The following CREBBP variants were observed in gnomAD, a reference collection of about 807,000 sequenced individuals.
CREBBP encodes CREB binding lysine acetyltransferase, also known as CREB-binding protein.
In CREBBP, 19 loss-of-function variants were observed where a neutral mutation model predicts 265.0. That is an observed-to-expected ratio of 0.07 (90% CI 0.05 to 0.11). CREBBP has a LOEUF of 0.11. Ranked by LOEUF, CREBBP falls within the 10% of genes least tolerant of loss-of-function variation. CREBBP has a pLI of 1.00. For synonymous variants in CREBBP, 1,457 were observed against 1,223.7 expected (o/e 1.19, Z -3.98); for missense variants, 2,525 against 3,219.0 (o/e 0.78, Z 5.22).
intron 3 of CREBBP, among the ~76,000 whole-genome samples, chr16:3,794,192 C>T (rs996149732): frequency 6.6e-6 from 1 of 151,762 alleles, no homozygotes; most frequent in Non-Finnish European, 1.5e-5. Flanking sequence ...GGACTATAGG[C>T]GTGGTGGCGG....
At chr16:3,751,884 A>G (rs1373927807) in intron 19 of CREBBP, 78 bp from the exon 20 acceptor site, 1 of 1,329,712 alleles carries the variant, frequency 7.5e-7, no homozygotes, top group Non-Finnish European at 1.1e-6. Flanking sequence ...GCCACCAATC[A>G]GAGCAGGGCA....
chr16:3,755,106 T>C (rs570592132), intron 19 of CREBBP, among the ~76,000 whole-genome samples: 2 of 152,314 alleles, frequency 1.3e-5, no homozygotes, highest in South Asian at 4.1e-4. Flanking sequence ...CTCTTAAAAA[T>C]ACATTACTTT....
intron 20 of CREBBP, among the ~76,000 whole-genome samples, 191 bp downstream of exon 20, chr16:3,751,535 T>A (rs2052473555): frequency 6.6e-6 from 1 of 152,136 alleles, no homozygotes; most frequent in Admixed American, 6.5e-5. Flanking sequence ...AAGGCTGCAG[T>A]GAGTCGAGAT....
At chr16:3,752,828 A>G (rs796566261) in intron 19 of CREBBP, among the ~76,000 whole-genome samples, 3 of 152,314 alleles carry the variant, frequency 2.0e-5, no homozygotes, top group African/African-American at 7.2e-5. Flanking sequence ...CATCACCCCA[A>G]TTTCTTGTAA....
intron 1 of CREBBP, among the ~76,000 whole-genome samples, chr16:3,862,875 G>A (rs1393218071): frequency 1.3e-5 from 2 of 152,102 alleles, no homozygotes; most frequent in African/African-American, 4.8e-5. Context: ...CTCAGAGTTT[G>A]CCTCTTATTT....
rs911407197 is a variant in CREBBP, at chr16:3,725,455, C to T, written c.*2263G>A. 1.7e-5 allele frequency: 4 copies of T among 233,150 alleles called. No homozygotes were observed. The highest frequency in any genetic ancestry group is 8.8e-5 in the African/African-American group (4 of 45,346). 14.4% of individuals were successfully genotyped at this position (233,150 alleles called of 1,614,324 possible). A position where few individuals can be genotyped will look rare whatever the true frequency, so the allele number is the denominator to read the frequency against. ...GAGCTGCTGCTCTCGGGCTCTAGCC[C>T]CACTTCTTGTTTGAACACATGGCTC... On this transcript the variant is annotated 3_prime_UTR_variant, in exon 31 of 31. Transcript: ENST00000262367.
chr16:3,806,857 A>AG (rs2053840731), intron 3 of CREBBP, among the ~76,000 whole-genome samples: 1 of 151,742 alleles, frequency 6.6e-6, no homozygotes, highest in Non-Finnish European at 1.5e-5. Context: ...GACTTCTACC[A>AG]GTTCCTACGC....
intron 7 of CREBBP, 58 bp downstream of exon 7, chr16:3,781,146 G>T (rs1404056619): frequency 6.9e-7 from 1 of 1,453,706 alleles, no homozygotes; most frequent in Non-Finnish European, 9.7e-7. Flanking sequence ...TCAGTTTTGT[G>T]TGGTTCTCAG....
At chr16:3,790,814 G>A (rs539527285) in intron 5 of CREBBP, among the ~76,000 whole-genome samples, 2 of 152,268 alleles carry the variant, frequency 1.3e-5, no homozygotes, top group East Asian at 3.9e-4. Context: ...CCAGAGGGAG[G>A]TGGGCTGGAC....
intron 1 of CREBBP, among the ~76,000 whole-genome samples, chr16:3,852,552 G>A (rs888339247): frequency 5.9e-5 from 9 of 152,082 alleles, no homozygotes; most frequent in Admixed American, 5.9e-4. Context: ...TAAAAGTGTT[G>A]AAGCTGCAGC....
intron 19 of CREBBP, among the ~76,000 whole-genome samples, chr16:3,753,556 A>T (rs957362242): frequency 5.3e-5 from 8 of 149,638 alleles, no homozygotes; most frequent in Non-Finnish European, 1.0e-4. Context: ...TTAAATATGT[A>T]TTTTTTTTTT....
chr16:3,785,724 T>C (rs1191899282), intron 5 of CREBBP, among the ~76,000 whole-genome samples: 2 of 152,246 alleles, frequency 1.3e-5, no homozygotes, highest in Non-Finnish European at 2.9e-5. Context: ...TTCTGTATTA[T>C]TGCCACTTAA....
chr16:3,760,963 G>GTT (rs1039987122), intron 16 of CREBBP, among the ~76,000 whole-genome samples: 3 of 151,700 alleles, frequency 2.0e-5, no homozygotes, highest in African/African-American at 7.3e-5. Flanking sequence ...GAAAAGATTT[G>GTT]TTTTTTTTGA....
chr16:3,769,349 G>A lies in CREBBP; in HGVS notation c.2885C>T (p.Ser962Phe), dbSNP rs905975793. The part of the protein sequence containing the change: ...VHAQPPGTPL[S>F]QAAASIDNRV... ...GTTATCAATGCTGGCTGCTGCCTGGGAAAGCTGTGAAAAAACCGAAAGCAC... is the reference window on the plus strand; with the variant it reads ...GTTATCAATGCTGGCTGCTGCCTGGAAAAGCTGTGAAAAAACCGAAAGCAC... The change falls in exon 15 of 31, where the codon TCC becomes TTC. Residue 962 changes from serine to phenylalanine, a missense_variant. Transcript: ENST00000262367. 1.2e-6 allele frequency: 2 copies of A among 1,614,182 alleles called. No individual in the cohort carries two copies. The highest frequency in any genetic ancestry group is 1.7e-6 in the Non-Finnish European group (2 of 1,180,032).
At chr16:3,736,583 A>C in intron 27 of CREBBP, 67 bp downstream of exon 27, 1 of 1,605,692 alleles carries the variant, frequency 6.2e-7, no homozygotes, top group Admixed American at 1.7e-5. Context: ...GAATGCAAGA[A>C]AAAGGCACAC....
At chr16:3,777,463 AC>A (rs2053170727) in intron 11 of CREBBP, 149 bp downstream of exon 11, 1 of 802,062 alleles carries the variant, frequency 1.2e-6, no homozygotes, top group African/African-American at 1.7e-5. Context: ...TATCCATACT[AC>A]CTGTAGAACT....
chr16:3,836,127 A>G (rs978628922), intron 2 of CREBBP, among the ~76,000 whole-genome samples: 5 of 151,996 alleles, frequency 3.3e-5, no homozygotes, highest in Non-Finnish European at 7.4e-5. Context: ...AGAACAGGCA[A>G]AGCAATTCAT....
chr16:3,735,735 C>G (rs188436809), intron 28 of CREBBP, among the ~76,000 whole-genome samples: 1 of 152,276 alleles, frequency 6.6e-6, no homozygotes, highest in Admixed American at 6.5e-5. Context: ...TGTGCCTCCT[C>G]GACTCACTTT....
intron 21 of CREBBP, among the ~76,000 whole-genome samples, chr16:3,747,888 G>A (rs2052381001): frequency 6.6e-6 from 1 of 152,058 alleles, no homozygotes; most frequent in Non-Finnish European, 1.5e-5. Context: ...AGGAGATCGA[G>A]ACCATCCTGG....
Sources: gnomAD v4.1 joint callset for allele counts (sites outside exome capture counted in the v4.1 genomes callset) on GRCh38, gnomAD v4.1.1 for gene constraint, MANE v1.5 for transcripts, NCBI Gene and HGNC (gene_info 2026-07-23, HGNC 2026-07-21) for gene names.